ANGPT1: variants seen among roughly 807,000 people sequenced by gnomAD.
The protein encoded by ANGPT1 is angiopoietin 1.
In ANGPT1, 17 loss-of-function variants were observed where a neutral mutation model predicts 62.2. The ratio of observed to expected loss-of-function variants is 0.27; its 90% CI spans 0.19 to 0.41. ANGPT1 has a LOEUF of 0.41. ANGPT1 is among the 10% of genes least tolerant of loss of function. The pLI, the probability that ANGPT1 is intolerant of heterozygous loss-of-function variation, is 1.00. For synonymous variants in ANGPT1, 199 were observed against 198.9 expected, an observed-to-expected ratio of 1.00 and a Z score of 0.00; for missense variants, 478 against 594.9, an observed-to-expected ratio of 0.80 and a Z score of 2.04.
At chr8:107,274,137 T>C (rs1813804534) in intron 7 of ANGPT1, among the ~76,000 whole-genome samples, 1 of 152,100 alleles carries the variant, frequency 6.6e-6, no homozygotes, top group Admixed American at 6.6e-5. Context: ...ATCACTTTGG[T>C]GCACTTGATA....
At chr8:107,483,144 G>T (rs1407704775) in intron 1 of ANGPT1, among the ~76,000 whole-genome samples, 1 of 152,058 alleles carries the variant, frequency 6.6e-6, no homozygotes. Context: ...AAAATAGTAG[G>T]ATACTATATA....
At chr8:107,297,689 G>C (rs979611812) in intron 5 of ANGPT1, among the ~76,000 whole-genome samples, 1 of 149,888 alleles carries the variant, frequency 6.7e-6, no homozygotes, top group Admixed American at 6.7e-5. Context: ...CTAGGCTCTA[G>C]TTATTATAAT....
chr8:107,484,486 C>T (rs778841733), intron 1 of ANGPT1, among the ~76,000 whole-genome samples: 6 of 152,122 alleles, frequency 3.9e-5, no homozygotes, highest in Admixed American at 1.3e-4. Context: ...ACTGCAGCCT[C>T]GACCTCCCGG....
intron 1 of ANGPT1, among the ~76,000 whole-genome samples, chr8:107,458,458 G>A (rs1434657388): frequency 6.6e-6 from 1 of 151,998 alleles, no homozygotes; most frequent in Non-Finnish European, 1.5e-5. Flanking sequence ...AGTCAAAAGA[G>A]TAGAAGTATA....
chr8:107,254,305 G>A (rs2022941), intron 8 of ANGPT1, among the ~76,000 whole-genome samples: 4,594 of 151,664 alleles, frequency 0.03, 221 homozygotes, highest in African/African-American at 0.11. Context: ...ATTGTGAAAC[G>A]TTGTTACACA....
intron 1 of ANGPT1, among the ~76,000 whole-genome samples, chr8:107,387,620 T>A (rs1368966036): frequency 8.9e-6 from 1 of 112,968 alleles, no homozygotes; most frequent in Non-Finnish European, 2.2e-5. Flanking sequence ...TGCTCAAGAT[T>A]GTGAATAATT....
chr8:107,457,429 C>T (rs1317083316), intron 1 of ANGPT1, among the ~76,000 whole-genome samples: 1 of 151,892 alleles, frequency 6.6e-6, no homozygotes, highest in African/African-American at 2.4e-5. Context: ...GAAAATTAAA[C>T]ATCAGTGGAA....
At chr8:107,328,487 C>A (rs1163099289) in intron 3 of ANGPT1, among the ~76,000 whole-genome samples, 1 of 151,812 alleles carries the variant, frequency 6.6e-6, no homozygotes, top group Non-Finnish European at 1.5e-5. Flanking sequence ...TGATACATTT[C>A]ATAACACAGA....
intron 4 of ANGPT1, among the ~76,000 whole-genome samples, chr8:107,319,924 G>A (rs1280868346): frequency 6.6e-6 from 1 of 152,004 alleles, no homozygotes; most frequent in Non-Finnish European, 1.5e-5. Flanking sequence ...GAACCTATTG[G>A]AAAATTAGGC....
chr8:107,283,111 T>C (rs1249917659), intron 7 of ANGPT1, among the ~76,000 whole-genome samples: 2 of 152,216 alleles, frequency 1.3e-5, no homozygotes, highest in East Asian at 3.9e-4. Flanking sequence ...CTAGACTAAT[T>C]ATTTGCTAGT....
chr8:107,287,955 T>C (rs559702504), intron 6 of ANGPT1, among the ~76,000 whole-genome samples: 1 of 152,340 alleles, frequency 6.6e-6, no homozygotes, highest in East Asian at 1.9e-4. Context: ...AGTTAAAATA[T>C]ATGTCATAAT....
chr8:107,281,000 C>G (rs1339473187), intron 7 of ANGPT1, among the ~76,000 whole-genome samples: 2 of 152,156 alleles, frequency 1.3e-5, no homozygotes, highest in East Asian at 1.9e-4. Context: ...AGTTCATATG[C>G]TATGCTTATC....
chr8:107,472,255 G>A (rs189229193), intron 1 of ANGPT1, among the ~76,000 whole-genome samples: 7 of 152,074 alleles, frequency 4.6e-5, no homozygotes, highest in Non-Finnish European at 8.8e-5. Context: ...TACTTGGCTT[G>A]AGGTCATGTT....
intron 1 of ANGPT1, among the ~76,000 whole-genome samples, chr8:107,356,249 A>T (rs1816042663): frequency 1.3e-5 from 2 of 152,252 alleles, no homozygotes; most frequent in South Asian, 4.1e-4. Flanking sequence ...ACTATGAGTC[A>T]TTGTTTAAAT....
rs75876010 is a variant in ANGPT1, at chr8:107,455,608, G to A, written c.297+41654C>T. The stretch of plus-strand genomic sequence containing the variant: ...TGAACCAACTTATGTTTTGAATTGG[G>A]CACAATGTTTCAAAGGGAGACTTTA... On this transcript the variant is annotated intron_variant, in intron 1 of 8. Coordinates refer to ENST00000517746, the MANE Select transcript of ANGPT1 (RefSeq NM_001146.5). Among the ~76,000 whole-genome samples, 1,162 of 152,062 alleles carry A rather than the reference G, an allele frequency of 7.6e-3. 14 individuals are homozygous for A. Among genetic ancestry groups the A allele is most frequent in the African/African-American group, 0.027 (1,119 of 41,514 alleles).
intron 1 of ANGPT1, among the ~76,000 whole-genome samples, chr8:107,420,593 C>T (rs1169795680): frequency 1.3e-5 from 2 of 152,100 alleles, no homozygotes; most frequent in Non-Finnish European, 2.9e-5. Context: ...GAAGAACAGC[C>T]TCAGGTCTCA....
chr8:107,285,827 T>C (rs1340635489), intron 6 of ANGPT1, among the ~76,000 whole-genome samples: 1 of 152,102 alleles, frequency 6.6e-6, no homozygotes, highest in African/African-American at 2.4e-5. Flanking sequence ...GATCTACATA[T>C]TTGTTTCACT....
intron 1 of ANGPT1, among the ~76,000 whole-genome samples, chr8:107,409,870 T>C (rs1817227284): frequency 6.6e-6 from 1 of 152,146 alleles, no homozygotes; most frequent in Non-Finnish European, 1.5e-5. Context: ...AGGAACATAA[T>C]GATTGTGTTT....
At chr8:107,277,682 T>C (rs943339651) in intron 7 of ANGPT1, among the ~76,000 whole-genome samples, 2 of 152,210 alleles carry the variant, frequency 1.3e-5, no homozygotes, top group Non-Finnish European at 2.9e-5. Flanking sequence ...TTGGATGTGA[T>C]AGAATGGGAA....
Sources: allele counts gnomAD v4.1 joint callset (sites outside exome capture counted in the v4.1 genomes callset), GRCh38; gene constraint gnomAD v4.1.1; transcripts MANE v1.5; gene names NCBI Gene and HGNC (gene_info 2026-07-23, HGNC 2026-07-21).